Variants in VTI1A observed in about 807,000 individuals in gnomAD.
VTI1A encodes vesicle transport through interaction with t-SNAREs 1A, also known as vesicle transport through interaction with t-SNAREs homolog 1A.
Under a neutral mutation model 34.9 loss-of-function variants are expected in VTI1A, and 22 were observed. That is an observed-to-expected ratio of 0.63 (90% CI 0.45 to 0.90). The LOEUF is 0.90. Ranked by LOEUF, VTI1A falls within the 40% of genes least tolerant of loss-of-function variation. The pLI is 0.00. For missense variants in VTI1A, 268 were observed against 275.6 expected (o/e 0.97, Z 0.20); for synonymous variants, 87 against 97.3 (o/e 0.89, Z 0.62).
At chr10:112,788,663 T>C (rs914376086) in intron 7 of VTI1A, among the ~76,000 whole-genome samples, 1 of 152,168 alleles carries the variant, frequency 6.6e-6, no homozygotes, top group African/African-American at 2.4e-5. Flanking sequence ...ACATTTAACA[T>C]GTGATTTTTT....
intron 3 of VTI1A, among the ~76,000 whole-genome samples, chr10:112,515,546 C>T (rs1849748662): frequency 6.6e-6 from 1 of 151,896 alleles, no homozygotes; most frequent in African/African-American, 2.4e-5. Context: ...GACATAGAGC[C>T]AGAATCAATT....
At chr10:112,451,493 C>T (rs538840958) in intron 1 of VTI1A, among the ~76,000 whole-genome samples, 4 of 152,292 alleles carry the variant, frequency 2.6e-5, no homozygotes, top group African/African-American at 9.6e-5. Flanking sequence ...AGGTAAATTT[C>T]TCTTGATGAA....
chr10:112,456,839 T>C (rs184203514), intron 1 of VTI1A, among the ~76,000 whole-genome samples: 1 of 152,334 alleles, frequency 6.6e-6, no homozygotes, highest in African/African-American at 2.4e-5. Context: ...TTAGAGCCGC[T>C]CAAGACTTTG....
At chr10:112,493,599 A>G (rs1403770069) in intron 3 of VTI1A, among the ~76,000 whole-genome samples, 3 of 152,200 alleles carry the variant, frequency 2.0e-5, no homozygotes, top group Non-Finnish European at 4.4e-5. Context: ...GATGTTAGCT[A>G]CAGGTATTTT....
chr10:112,448,224 A>AC (rs557312657), intron 1 of VTI1A, among the ~76,000 whole-genome samples: 3 of 150,928 alleles, frequency 2.0e-5, no homozygotes, highest in Non-Finnish European at 4.4e-5. Context: ...TATTTTTCAT[A>AC]CCCCCCACCC....
intron 7 of VTI1A, among the ~76,000 whole-genome samples, chr10:112,681,166 T>C (rs1848201515): frequency 6.6e-6 from 1 of 151,824 alleles, no homozygotes; most frequent in Non-Finnish European, 1.5e-5. Context: ...ACCTCAACTT[T>C]CTGGGCTCAA....
intron 7 of VTI1A, among the ~76,000 whole-genome samples, chr10:112,812,163 T>C (rs575946426): frequency 6.6e-6 from 1 of 152,376 alleles, no homozygotes; most frequent in African/African-American, 2.4e-5. Flanking sequence ...CACAAGTTTT[T>C]GCCTGGAGGC....
At chr10:112,712,359 C>CA (rs1213216296) in intron 7 of VTI1A, among the ~76,000 whole-genome samples, 1 of 152,066 alleles carries the variant, frequency 6.6e-6, no homozygotes, top group African/African-American at 2.4e-5. Flanking sequence ...AAAGCAAAAG[C>CA]TGCCTGGAAA....
chr10:112,825,428 G>A, the VTI1A span: 2 of 152,268 alleles, frequency 1.3e-5, no homozygotes, highest in Non-Finnish European at 2.9e-5. Context: ...ATTTCATGTG[G>A]GACTCTGCGG....
At chr10:112,787,698 CTTTTTTTTT>C (rs34862909) in intron 7 of VTI1A, among the ~76,000 whole-genome samples, 1 of 103,280 alleles carries the variant, frequency 9.7e-6, no homozygotes, top group Non-Finnish European at 1.9e-5. Flanking sequence ...TTTTTCTTTT[CTTTTTTTTT>C]TTTTTTTTTT....
At chr10:112,782,380 C>T (rs557535752) in intron 7 of VTI1A, among the ~76,000 whole-genome samples, 2 of 152,392 alleles carry the variant, frequency 1.3e-5, no homozygotes, top group South Asian at 4.1e-4. Flanking sequence ...CCAGGCCCTG[C>T]GTGAAGGCCC....
intron 7 of VTI1A, among the ~76,000 whole-genome samples, chr10:112,674,052 TGTCCTTG>T (rs1469785273): frequency 6.6e-6 from 1 of 152,182 alleles, no homozygotes; most frequent in Non-Finnish European, 1.5e-5. Context: ...GTGAGAAAAA[TGTCCTTG>T]AAAATTTGCT....
At chr10:112,567,913 T>C in intron 5 of VTI1A, among the ~76,000 whole-genome samples, 1 of 152,226 alleles carries the variant, frequency 6.6e-6, no homozygotes, top group Non-Finnish European at 1.5e-5. Context: ...AGTGCTTAAA[T>C]AGGGCACACA....
the VTI1A span, among the ~76,000 whole-genome samples, chr10:112,842,634 G>A: frequency 6.6e-6 from 1 of 152,174 alleles, no homozygotes; most frequent in Admixed American, 6.6e-5. Context: ...CAAATTCTAT[G>A]ATGCTATTAT....
intron 5 of VTI1A, among the ~76,000 whole-genome samples, chr10:112,585,153 T>C (rs1844095398): frequency 6.6e-6 from 1 of 152,198 alleles, no homozygotes. Flanking sequence ...CAGAAGAAAA[T>C]GTATGCTACA....
intron 5 of VTI1A, among the ~76,000 whole-genome samples, chr10:112,582,375 A>G (rs1843983402): frequency 6.6e-6 from 1 of 152,250 alleles, no homozygotes; most frequent in Non-Finnish European, 1.5e-5. Flanking sequence ...AATCCATAGA[A>G]TTCACCTCTT....
intron 7 of VTI1A, among the ~76,000 whole-genome samples, chr10:112,685,333 C>T (rs75843998): frequency 1.4e-4 from 21 of 152,122 alleles, no homozygotes; most frequent in Middle Eastern, 3.4e-3. Flanking sequence ...TAATTTTTTT[C>T]TCTTCTTTTT....
Position 112,815,467 on chromosome 10 carries a change from C to T in VTI1A, c.*84C>T, listed in dbSNP as rs940083821. On this transcript the variant is annotated 3_prime_UTR_variant, in exon 8 of 8. Coordinates refer to ENST00000393077, the MANE Select transcript of VTI1A (RefSeq NM_145206.4). ...AATGGTCACATGAATCATTCTGTTG[C>T]GCTGACAGGCCCCAGGTGACCCTCT... 8 of 1,225,934 alleles carry T rather than the reference C, an allele frequency of 6.5e-6. No homozygotes were observed. The highest frequency in any genetic ancestry group is 1.5e-5 in the African/African-American group (1 of 67,450). 75.9% of individuals were successfully genotyped at this position (1,225,934 alleles called of 1,614,324 possible). A position where few individuals can be genotyped will look rare whatever the true frequency, so the allele number is the denominator to read the frequency against.
At chr10:112,520,647 G>GTATATATA (rs35437904) in intron 3 of VTI1A, among the ~76,000 whole-genome samples, 23 of 128,986 alleles carry the variant, frequency 1.8e-4, no homozygotes, top group African/African-American at 6.2e-4. Context: ...GTGTGTGTGT[G>GTATATATA]TATATATATA....
Sources: allele counts gnomAD v4.1 joint callset (sites outside exome capture counted in the v4.1 genomes callset), GRCh38; gene constraint gnomAD v4.1.1; transcripts MANE v1.5; gene names NCBI Gene and HGNC (gene_info 2026-07-23, HGNC 2026-07-21).